RANBP2: variants seen among roughly 807,000 people sequenced by gnomAD.
RANBP2 encodes the protein RAN binding protein 2.
Under a neutral mutation model 303.6 loss-of-function variants are expected in RANBP2, and 57 were observed. That is an observed-to-expected ratio of 0.19 (90% CI 0.15 to 0.23). The LOEUF (loss-of-function observed/expected upper bound fraction) is 0.23, where lower values mean the gene tolerates loss of function less well. Among genes scored for constraint, RANBP2 ranks in the 10% least tolerant of loss-of-function variants. The pLI is 1.00. For synonymous variants in RANBP2, 1,167 were observed against 1,301.5 expected (o/e 0.90, Z 2.23); for missense variants, 3,138 against 3,780.8 (o/e 0.83, Z 4.46).
the RANBP2 span, among the ~76,000 whole-genome samples, chr2:109,275,150 G>A: frequency 4.6e-5 from 7 of 152,144 alleles, no homozygotes; most frequent in Admixed American, 6.5e-5. Context: ...AGAGCCTGAG[G>A]TTGACCTTTC....
chr2:109,377,460 G>T, the RANBP2 span, among the ~76,000 whole-genome samples: 15 of 152,160 alleles, frequency 9.9e-5, no homozygotes, highest in Non-Finnish European at 2.2e-4. Flanking sequence ...AGAGCTGGAG[G>T]GGGCAGAAGA....
chr2:109,419,656 T>C, the RANBP2 span: 4 of 1,560,382 alleles, frequency 2.6e-6, no homozygotes, highest in African/African-American at 4.1e-5. Flanking sequence ...AGCTGCCCTT[T>C]GTGTCTGTCG....
At chr2:109,398,923 T>A in the RANBP2 span, 1 of 1,612,560 alleles carries the variant, frequency 6.2e-7, no homozygotes, top group Non-Finnish European at 8.5e-7. Context: ...TGCTCATCTG[T>A]CGTGCGCTGC....
At chr2:109,258,005 T>C in the RANBP2 span, among the ~76,000 whole-genome samples, 2 of 45,590 alleles carry the variant, frequency 4.4e-5, no homozygotes, top group African/African-American at 1.8e-4. Context: ...TGCACACACA[T>C]ACCCACATAC....
chr2:109,552,986 T>A, the RANBP2 span: 1 of 1,306,786 alleles, frequency 7.7e-7, no homozygotes, highest in African/African-American at 1.5e-5. Context: ...AAAGAACAAG[T>A]AGCCTACAAA....
the RANBP2 span, among the ~76,000 whole-genome samples, chr2:109,629,331 ATATATATATATATATATATATATATTTTT>A: frequency 0.013 from 212 of 16,356 alleles, 3 homozygotes; most frequent in African/African-American, 0.047. Flanking sequence ...ATATATATAT[ATATATATATATATATATATATATATTTTT>A]TTTTTTTTTT....
the RANBP2 span, among the ~76,000 whole-genome samples, chr2:109,706,315 C>T: frequency 2.0e-5 from 3 of 152,250 alleles, no homozygotes; most frequent in Non-Finnish European, 2.9e-5. Context: ...AGAAAGGCCA[C>T]GTGACTTCTC....
the RANBP2 span, chr2:109,732,659 C>A: frequency 7.5e-6 from 4 of 535,086 alleles, no homozygotes; most frequent in South Asian, 5.8e-5. Context: ...ATTAGAGAAC[C>A]GGGTTTCATC....
At chr2:109,607,190 T>G in the RANBP2 span, among the ~76,000 whole-genome samples, 2 of 152,206 alleles carry the variant, frequency 1.3e-5, no homozygotes, top group African/African-American at 4.8e-5. Flanking sequence ...ACAAATAATT[T>G]GTATTTTCCA....
chr2:108,840,345 A>G, the RANBP2 span, among the ~76,000 whole-genome samples: 3 of 152,218 alleles, frequency 2.0e-5, no homozygotes, highest in African/African-American at 7.2e-5. Flanking sequence ...TATTAGGTTC[A>G]TAAAATGAAT....
At chr2:109,763,572 G>A in the RANBP2 span, among the ~76,000 whole-genome samples, 2 of 149,784 alleles carry the variant, frequency 1.3e-5, no homozygotes, top group African/African-American at 4.9e-5. Flanking sequence ...AAATAACAAA[G>A]AGAGAGAGCC....
chr2:109,672,569 C>A, the RANBP2 span, among the ~76,000 whole-genome samples: 779 of 152,224 alleles, frequency 5.1e-3, 3 homozygotes, highest in African/African-American at 0.018. Flanking sequence ...CTCTTTTATT[C>A]CTAGTGTTAC....
chr2:109,716,436 G>C, the RANBP2 span, among the ~76,000 whole-genome samples: 1 of 152,032 alleles, frequency 6.6e-6, no homozygotes, highest in Non-Finnish European at 1.5e-5. Flanking sequence ...ATATTTAGTA[G>C]AGACCGGGTT....
chr2:108,880,078 G>T, the RANBP2 span, among the ~76,000 whole-genome samples: 1 of 151,506 alleles, frequency 6.6e-6, no homozygotes, highest in Non-Finnish European at 1.5e-5. Context: ...CAAAGCAAAA[G>T]AAAACATTTT....
chr2:109,002,050 C>T, the RANBP2 span, among the ~76,000 whole-genome samples: 24 of 152,262 alleles, frequency 1.6e-4, no homozygotes, highest in African/African-American at 5.3e-4. Context: ...TTTAACGGAG[C>T]CCAAAAAGCT....
the RANBP2 span, among the ~76,000 whole-genome samples, chr2:109,632,564 A>G: frequency 6.6e-6 from 1 of 152,228 alleles, no homozygotes; most frequent in Admixed American, 6.5e-5. Flanking sequence ...CTATAATCCC[A>G]GGACTTTGGG....
downstream of RANBP2, chr2:108,788,680 A>T (rs1369780521): frequency 1.6e-5 from 7 of 428,564 alleles, no homozygotes; most frequent in Non-Finnish European, 2.2e-5. Context: ...AGATTGCGCC[A>T]CTGCACTCCA....
chr2:109,653,633 T>A, the RANBP2 span, among the ~76,000 whole-genome samples: 3 of 152,128 alleles, frequency 2.0e-5, no homozygotes, highest in African/African-American at 7.2e-5. Flanking sequence ...TTGTAAAGGG[T>A]GTCTCTGAGT....
At chr2:108,832,179 G>A in the RANBP2 span, among the ~76,000 whole-genome samples, 8 of 151,684 alleles carry the variant, frequency 5.3e-5, no homozygotes, top group South Asian at 1.5e-3. Context: ...ACAGGTGTAC[G>A]CCATCACACC....
Sources: gnomAD v4.1 joint callset for allele counts (sites outside exome capture counted in the v4.1 genomes callset) on GRCh38, gnomAD v4.1.1 for gene constraint, MANE v1.5 for transcripts, NCBI Gene and HGNC (gene_info 2026-07-23, HGNC 2026-07-21) for gene names.